RAD51B: variants seen among roughly 807,000 people sequenced by gnomAD.
RAD51B encodes RAD51 paralog B.
Under a neutral mutation model 42.2 loss-of-function variants are expected in RAD51B, and 38 were observed. The observed-to-expected ratio is 0.90, with a 90% confidence interval of 0.70 to 1.18. The LOEUF is 1.18. Ranked by LOEUF, RAD51B falls within the 50% of genes most tolerant of loss-of-function variation. The probability of loss-of-function intolerance (pLI) is 0.00; values close to 1 mark genes in which losing one functional copy is unlikely to be tolerated. For missense variants in RAD51B, 373 were observed against 400.7 expected, an observed-to-expected ratio of 0.93 and a Z score of 0.59; for synonymous variants, 154 against 145.2, an observed-to-expected ratio of 1.06 and a Z score of -0.43.
At chr14:68,331,233 G>A (rs1025220133) in intron 8 of RAD51B, among the ~76,000 whole-genome samples, 4 of 151,410 alleles carry the variant, frequency 2.6e-5, no homozygotes, top group East Asian at 1.9e-4. Context: ...ATGGTGGCGC[G>A]TGCCTATAAT....
At chr14:67,921,040 A>C (rs1399185826) in intron 7 of RAD51B, among the ~76,000 whole-genome samples, 1 of 152,236 alleles carries the variant, frequency 6.6e-6, no homozygotes, top group African/African-American at 2.4e-5. Context: ...GGCATGCTAC[A>C]TGCTGGAGTT....
chr14:68,522,362 C>T lies in RAD51B; in HGVS notation c.1036+54112C>T, dbSNP rs945464585. On this transcript the variant is annotated intron_variant, in intron 10 of 10. Transcript: ENST00000487270. ...AACCGAAAAATGCTACCTGAATTTCCAGGATGAGGTTGAAGGCACAATCTT... is the reference window on the plus strand; with the variant it reads ...AACCGAAAAATGCTACCTGAATTTCTAGGATGAGGTTGAAGGCACAATCTT... Among the ~76,000 whole-genome samples, 4 of 152,244 alleles carry T rather than the reference C, an allele frequency of 2.6e-5. No individual in the cohort carries two copies. In the East Asian group the frequency reaches 7.7e-4, roughly 29 times the overall value.
chr14:67,888,626 A>G (rs1392674287), intron 7 of RAD51B, among the ~76,000 whole-genome samples: 1 of 152,238 alleles, frequency 6.6e-6, no homozygotes, highest in African/African-American at 2.4e-5. Context: ...AAGAAAAGAA[A>G]AGGATAGTTG....
Position 67,993,689 on chromosome 14 carries a change from C to T in RAD51B, c.756+106485C>T, listed in dbSNP as rs35939484. On this transcript the variant is annotated intron_variant, in intron 7 of 10. Coordinates refer to ENST00000471583, the MANE Select transcript of RAD51B (RefSeq NM_133510.4). Reference sequence around the variant, plus strand: ...GATATCTCTTTGATTTACTGATGTCCTTTTTGTGGATGTATACCTAGCAGT... The same window carrying T: ...GATATCTCTTTGATTTACTGATGTCTTTTTTGTGGATGTATACCTAGCAGT... Among the ~76,000 whole-genome samples the T allele has an allele frequency of 4.0e-3, 603 of 152,170 alleles. 2 individuals are homozygous for T. Among genetic ancestry groups the T allele is most frequent in the Middle Eastern group, 0.017 (5 of 294 alleles).
At chr14:68,163,268 T>A (rs1389358763) in intron 7 of RAD51B, among the ~76,000 whole-genome samples, 3 of 152,268 alleles carry the variant, frequency 2.0e-5, no homozygotes, top group Non-Finnish European at 2.9e-5. Context: ...GCCAGTTTTA[T>A]ACAAATAATT....
chr14:68,017,802 C>A (rs2075800925), intron 7 of RAD51B, among the ~76,000 whole-genome samples: 2 of 151,904 alleles, frequency 1.3e-5, no homozygotes, highest in South Asian at 4.2e-4. Context: ...GAAACCCCAT[C>A]TCTACTAAAA....
chr14:68,002,605 T>G (rs1269557168), intron 7 of RAD51B, among the ~76,000 whole-genome samples: 1 of 152,228 alleles, frequency 6.6e-6, no homozygotes, highest in African/African-American at 2.4e-5. Context: ...TCTTTGCCTG[T>G]GCCTATCTGC....
chr14:68,507,180 G>A (rs1407255896), intron 10 of RAD51B, among the ~76,000 whole-genome samples: 2 of 152,108 alleles, frequency 1.3e-5, no homozygotes, highest in East Asian at 3.8e-4. Flanking sequence ...ATGTTCAGAG[G>A]GGAGAGAAAG....
At chr14:68,078,152 T>C (rs1478876799) in intron 7 of RAD51B, among the ~76,000 whole-genome samples, 3 of 152,134 alleles carry the variant, frequency 2.0e-5, no homozygotes, top group African/African-American at 7.2e-5. Context: ...TTAAGGATAT[T>C]TATATAGTTC....
At chr14:67,934,116 A>G (rs1445268558) in intron 7 of RAD51B, among the ~76,000 whole-genome samples, 1 of 152,210 alleles carries the variant, frequency 6.6e-6, no homozygotes, top group East Asian at 1.9e-4. Flanking sequence ...GAATTTGTTA[A>G]TACTGCTTAA....
At chr14:67,963,839 T>G (rs1386242322) in intron 7 of RAD51B, among the ~76,000 whole-genome samples, 1 of 152,024 alleles carries the variant, frequency 6.6e-6, no homozygotes, top group East Asian at 1.9e-4. Context: ...TTTTTTAGGA[T>G]TTTTTTGAGT....
intron 7 of RAD51B, among the ~76,000 whole-genome samples, chr14:68,228,510 T>C (rs1341675745): frequency 6.6e-6 from 1 of 152,160 alleles, no homozygotes; most frequent in African/African-American, 2.4e-5. Flanking sequence ...GCTGAAAAAC[T>C]GAGAGATGTC....
intron 7 of RAD51B, among the ~76,000 whole-genome samples, chr14:67,981,560 G>A (rs2075093465): frequency 6.6e-6 from 1 of 152,178 alleles, no homozygotes. Context: ...TCACCCGCAT[G>A]TCCATCAACA....
At chr14:67,977,663 T>C (rs766682202) in intron 7 of RAD51B, among the ~76,000 whole-genome samples, 2 of 152,052 alleles carry the variant, frequency 1.3e-5, no homozygotes, top group Non-Finnish European at 2.9e-5. Flanking sequence ...AGGGCAATAA[T>C]TGAAATTTTG....
chr14:68,412,025 G>A (rs936136381), intron 9 of RAD51B, among the ~76,000 whole-genome samples: 1 of 152,174 alleles, frequency 6.6e-6, no homozygotes, highest in Non-Finnish European at 1.5e-5. Flanking sequence ...ATGCTAGAAA[G>A]ACCTCCAAAT....
intron 8 of RAD51B, among the ~76,000 whole-genome samples, chr14:68,328,878 T>G (rs1370006615): frequency 2.0e-5 from 3 of 152,226 alleles, no homozygotes; most frequent in Non-Finnish European, 4.4e-5. Context: ...AAGGAAGAGC[T>G]GAAAGATGGA....
intron 7 of RAD51B, among the ~76,000 whole-genome samples, chr14:68,160,789 C>A (rs116482151): frequency 0.011 from 1,690 of 152,246 alleles, 37 homozygotes; most frequent in African/African-American, 0.038. Context: ...ACCTATGGAA[C>A]CTTTATAAGC....
At chr14:68,059,323 GT>G (rs752093245) in intron 7 of RAD51B, among the ~76,000 whole-genome samples, 1 of 152,184 alleles carries the variant, frequency 6.6e-6, no homozygotes, top group Non-Finnish European at 1.5e-5. Context: ...ATCTGAGTAT[GT>G]AACTGCATTA....
chr14:68,150,126 CAA>C (rs2078346373), intron 7 of RAD51B, among the ~76,000 whole-genome samples: 1 of 152,036 alleles, frequency 6.6e-6, no homozygotes, highest in Admixed American at 6.6e-5. Flanking sequence ...GTATTTTTAA[CAA>C]GAGACAGGGT....
Sources: allele counts gnomAD v4.1 joint callset (sites outside exome capture counted in the v4.1 genomes callset), GRCh38; gene constraint gnomAD v4.1.1; transcripts MANE v1.5; gene names NCBI Gene and HGNC (gene_info 2026-07-23, HGNC 2026-07-21).